The following PCDH11X variants were observed in gnomAD, a reference collection of about 807,000 sequenced individuals.
The protein encoded by PCDH11X is protocadherin-11 X-linked.
In PCDH11X, 18 loss-of-function variants were observed where a neutral mutation model predicts 53.3. The ratio of observed to expected loss-of-function variants is 0.34; its 90% CI spans 0.23 to 0.50. The LOEUF (loss-of-function observed/expected upper bound fraction) is 0.50, where lower values mean the gene tolerates loss of function less well. PCDH11X is among the 20% of genes least tolerant of loss of function. The pLI, the probability that PCDH11X is intolerant of heterozygous loss-of-function variation, is 0.98. For synonymous variants in PCDH11X, 279 were observed against 393.3 expected (o/e 0.71, Z 3.44); for missense variants, 570 against 1,032.4 (o/e 0.55, Z 6.14).
At chrX:92,103,743 C>G (rs112313913) in intron 6 of PCDH11X, among the ~76,000 whole-genome samples, 2 of 112,061 alleles carry the variant, frequency 1.8e-5, no homozygotes, top group Non-Finnish European at 3.8e-5. Context: ...CTGGCTGCTA[C>G]AGTTCAGGCG....
intron 8 of PCDH11X, among the ~76,000 whole-genome samples, chrX:92,305,400 C>A (rs1184083724): frequency 9.3e-6 from 1 of 107,314 alleles, no homozygotes; most frequent in African/African-American, 3.4e-5. Flanking sequence ...TGATGTCCAC[C>A]GTCTTGCTGT....
At chrX:92,449,769 G>T (rs1159116505) in intron 9 of PCDH11X, among the ~76,000 whole-genome samples, 1 of 110,310 alleles carries the variant, frequency 9.1e-6, no homozygotes, top group Non-Finnish European at 1.9e-5. Context: ...GCAACTCTTT[G>T]TTAGACTCTC....
At chrX:92,126,652 A>T (rs192354391) in intron 6 of PCDH11X, among the ~76,000 whole-genome samples, 1,430 of 109,375 alleles carry the variant, frequency 0.013, 31 homozygotes, top group African/African-American at 0.045. Context: ...AATAAATTTT[A>T]AAAAAATCTC....
At chrX:92,224,663 C>T (rs970309638) in intron 7 of PCDH11X, among the ~76,000 whole-genome samples, 3 of 111,802 alleles carry the variant, frequency 2.7e-5, no homozygotes, top group African/African-American at 9.7e-5. Context: ...TGCCTGCCCA[C>T]TTGTGGGGTA....
chrX:92,147,855 T>TCTTTCTTTCTTTCTTTC lies in PCDH11X; in HGVS notation c.3034-53520_3034-53519insCTTTCTTTCTTTCTTTC, dbSNP rs1569388349. On this transcript the variant is annotated intron_variant, in intron 6 of 10. Transcript: ENST00000682573. ...TCTTTCTTTCTTTCTTTCTTTCTTT[T>TCTTTCTTTCTTTCTTTC]TTCTTTTCTCTCTTTCCTTTCTTTC... Among the ~76,000 whole-genome samples, 159 of 22,369 alleles carry TCTTTCTTTCTTTCTTTC rather than the reference T, an allele frequency of 7.1e-3. 2 individuals carry two copies. Among genetic ancestry groups the TCTTTCTTTCTTTCTTTC allele is most frequent in the African/African-American group, 0.012 (153 of 12,816 alleles). The allele number at this position is 22,369 out of a possible 115,157, so 19.4% of individuals were successfully genotyped here.
chrX:92,618,512 G>T lies in PCDH11X; in HGVS notation c.3616G>T (p.Ala1206Ser), dbSNP rs1194029225. 8.3e-7 allele frequency: 1 copy of T among 1,211,108 alleles called. No individual in the cohort carries two copies. The highest frequency in any genetic ancestry group is 1.1e-6 in the Non-Finnish European group (1 of 895,286). Residue 1206 changes from alanine (A) to serine (S), a missense_variant, in exon 11 of 11, where the codon GCA becomes TCA. Physicochemically the swap from Ala to Ser is moderately conservative, Grantham distance 99. Around this residue, in one of 6 missense-constraint regions of PCDH11X, gnomAD observed 234 missense variants for 296.1 expected, o/e 0.79. Transcript: ENST00000682573. ...CHSPPVTQTI[A>S]LCHSPPPIQV... is the part of the protein sequence containing the mutation. ...CAGCCCTCCAGTGACACAGACCATC[G>T]CATTGTGCCACAGCCCACCACCGAT...
At chrX:91,910,982 C>T (rs1208187981) in intron 6 of PCDH11X, among the ~76,000 whole-genome samples, 1 of 110,877 alleles carries the variant, frequency 9.0e-6, no homozygotes, top group African/African-American at 3.3e-5. Context: ...TTTAGAAAAC[C>T]TAAAAGCGGA....
At chrX:91,836,725 A>C (rs1362654721) in intron 5 of PCDH11X, among the ~76,000 whole-genome samples, 1 of 111,380 alleles carries the variant, frequency 9.0e-6, no homozygotes, top group Admixed American at 9.6e-5. Flanking sequence ...CTTTTAACAA[A>C]AAAGAGTCAA....
intron 5 of PCDH11X, among the ~76,000 whole-genome samples, chrX:91,873,424 G>A (rs1429415892): frequency 9.0e-6 from 1 of 111,195 alleles, no homozygotes; most frequent in Non-Finnish European, 1.9e-5. Context: ...ATTGAACAGA[G>A]TAGTTGTGAA....
chrX:92,370,070 T>A (rs2148550757), intron 8 of PCDH11X, among the ~76,000 whole-genome samples: 1 of 107,951 alleles, frequency 9.3e-6, no homozygotes, highest in Admixed American at 9.9e-5. Flanking sequence ...TCTCATAATT[T>A]TTTTGCATTT....
chrX:92,539,741 GAGA>G (rs931918710), intron 10 of PCDH11X, among the ~76,000 whole-genome samples: 5 of 111,795 alleles, frequency 4.5e-5, no homozygotes, highest in African/African-American at 1.6e-4. Flanking sequence ...TGTCCTTTTT[GAGA>G]AGGTTTTCCA....
intron 10 of PCDH11X, among the ~76,000 whole-genome samples, chrX:92,521,823 T>A (rs1399152339): frequency 1.8e-5 from 2 of 108,493 alleles, no homozygotes; most frequent in Non-Finnish European, 3.8e-5. Flanking sequence ...CACTTTGCAC[T>A]TTTTTGTTAT....
chrX:92,331,153 C>T (rs1314277125), intron 8 of PCDH11X, among the ~76,000 whole-genome samples: 1 of 109,588 alleles, frequency 9.1e-6, no homozygotes, highest in Non-Finnish European at 1.9e-5. Flanking sequence ...ATGTTTTCAT[C>T]AACCTTACAA....
chrX:92,211,314 G>A (rs1304695281), intron 7 of PCDH11X, among the ~76,000 whole-genome samples: 2 of 110,719 alleles, frequency 1.8e-5, no homozygotes, highest in South Asian at 7.7e-4. Context: ...CCACACTTAC[G>A]AACAACCAGG....
chrX:92,315,305 A>T (rs2069050824), intron 8 of PCDH11X, among the ~76,000 whole-genome samples: 1 of 112,018 alleles, frequency 8.9e-6, no homozygotes, highest in South Asian at 3.7e-4. Context: ...CTATCCATTA[A>T]ATTTTAATCA....
In PCDH11X at chrX:92,508,223, G is replaced by GT. The variant is rs1303236705; in HGVS notation, c.3367+39903dup. On this transcript the variant is annotated intron_variant, in intron 10 of 10. Transcript: ENST00000682573. Reference sequence around the variant, plus strand: ...TAGTAACTCTACTTTGTTTTTTTTTGTTGTTTTTTTTGTTTTTGAGACAGA... The same window carrying GT: ...TAGTAACTCTACTTTGTTTTTTTTTGTTTGTTTTTTTTGTTTTTGAGACAGA... 2.8e-3 allele frequency among the ~76,000 whole-genome samples: 180 copies of GT among 64,484 alleles called. 1 individual carries two copies. The highest frequency in any genetic ancestry group is 6.8e-3 in the African/African-American group (164 of 23,996). 56.0% of individuals were successfully genotyped at this position (64,484 alleles called of 115,157 possible).
intron 6 of PCDH11X, among the ~76,000 whole-genome samples, chrX:92,119,654 T>C (rs1208373110): frequency 8.9e-6 from 1 of 111,747 alleles, no homozygotes; most frequent in Non-Finnish European, 1.9e-5. Flanking sequence ...TTTTCCATTA[T>C]TATTTTCATT....
Position 92,387,880 on chromosome X carries a change from G to C in PCDH11X, c.3290G>C (p.Arg1097Pro), listed in dbSNP as rs769411878. Reference sequence around the variant, plus strand: ...TATCCTCAGGAGGAGTACTTTGATCGTGCTACACCCAGCAATCGCACTGAA... The same window carrying C: ...TATCCTCAGGAGGAGTACTTTGATCCTGCTACACCCAGCAATCGCACTGAA... ...LGYPQEEYFD[R>P]ATPSNRTEGD... The change falls in exon 9 of 11, where the codon CGT becomes CCT. Residue 1097 changes from arginine (R) to proline (P), a missense_variant. Arg to Pro is a moderately radical substitution (Grantham distance 103, BLOSUM62 -2). Around this residue, in one of 6 missense-constraint regions of PCDH11X, gnomAD observed 234 missense variants for 296.1 expected, o/e 0.79. Coordinates refer to ENST00000682573, the MANE Select transcript of PCDH11X (RefSeq NM_032968.5). 2 of 1,210,868 alleles carry C rather than the reference G, an allele frequency of 1.7e-6. No individual in the cohort carries two copies. The highest frequency in any genetic ancestry group is 2.2e-6 in the Non-Finnish European group (2 of 895,286).
intron 6 of PCDH11X, among the ~76,000 whole-genome samples, chrX:91,990,736 G>A (rs1368636248): frequency 1.9e-5 from 2 of 103,473 alleles, no homozygotes; most frequent in African/African-American, 7.2e-5. Context: ...GCTAGGTGGG[G>A]CTAGGGTATA....
Sources: gnomAD v4.1 joint callset for allele counts (sites outside exome capture counted in the v4.1 genomes callset) on GRCh38, gnomAD v4.1.1 for gene constraint, gnomAD v4.1.1 regional missense constraint, MANE v1.5 for transcripts, NCBI Gene and HGNC (gene_info 2026-07-23, HGNC 2026-07-21) for gene names.